The following FGF14 variants were observed in gnomAD, a reference collection of about 807,000 sequenced individuals.
FGF14 encodes fibroblast growth factor 14, also known as fibroblast growth factor homologous factor 4.
A neutral mutation model predicts 25.5 loss-of-function variants in FGF14; 5 were observed. The observed-to-expected ratio is 0.20, with a 90% CI of 0.10 to 0.41. The LOEUF (loss-of-function observed/expected upper bound fraction) is 0.41. Among genes scored for constraint, FGF14 ranks in the 10% least tolerant of loss-of-function variants. The probability of loss-of-function intolerance (pLI) is 1.00; values close to 1 mark genes in which losing one functional copy is unlikely to be tolerated. For missense variants in FGF14, 222 were observed against 320.1 expected, an observed-to-expected ratio of 0.69 and a Z score of 2.34; for synonymous variants, 138 against 118.3, an observed-to-expected ratio of 1.17 and a Z score of -1.08.
In FGF14 at chr13:101,719,393, T is replaced by G. The variant is rs1476354808; in HGVS notation, c.*3438A>C. On this transcript the variant is annotated 3_prime_UTR_variant, in exon 5 of 5. Coordinates refer to ENST00000376143, the MANE Select transcript of FGF14 (RefSeq NM_004115.4). ...CCCATCGTGGATCTCTTTAAGCCAC[T>G]GCTACCCAAAAACATTCAGGACAAG... The G allele has an allele frequency of 6.6e-6, 1 of 151,998 alleles. No individual in the cohort carries two copies. The highest frequency in any genetic ancestry group is 1.5e-5 in the Non-Finnish European group (1 of 67,996). 9.4% of individuals were successfully genotyped at this position (151,998 alleles called of 1,614,324 possible). A position where few individuals can be genotyped will look rare whatever the true frequency, so the allele number is the denominator to read the frequency against.
chr13:102,256,785 G>T (rs1313345829), intron 1 of FGF14, among the ~76,000 whole-genome samples: 1 of 152,176 alleles, frequency 6.6e-6, no homozygotes, highest in Non-Finnish European at 1.5e-5. Context: ...AAGAGTCGAT[G>T]CTGATAATAC....
At chr13:102,180,807 T>C (rs1236540528) in intron 1 of FGF14, among the ~76,000 whole-genome samples, 1 of 152,162 alleles carries the variant, frequency 6.6e-6, no homozygotes, top group Non-Finnish European at 1.5e-5. Flanking sequence ...TAGCATTTCT[T>C]TGAAATAAAT....
intron 3 of FGF14, among the ~76,000 whole-genome samples, chr13:101,835,358 A>G (rs940209514): frequency 3.3e-5 from 5 of 151,968 alleles, no homozygotes; most frequent in African/African-American, 1.2e-4. Context: ...CATTTTTTCA[A>G]TTGCTAATTT....
intron 1 of FGF14, among the ~76,000 whole-genome samples, chr13:102,201,449 G>A (rs937220853): frequency 6.6e-6 from 1 of 152,118 alleles, no homozygotes; most frequent in Non-Finnish European, 1.5e-5. Flanking sequence ...CCTCCAAAAT[G>A]ATTATAAATT....
chr13:101,785,463 A>C (rs1333747224), intron 3 of FGF14, among the ~76,000 whole-genome samples: 1 of 151,808 alleles, frequency 6.6e-6, no homozygotes, highest in Non-Finnish European at 1.5e-5. Context: ...TATAAAGTAA[A>C]ACAATATTAT....
At chr13:101,884,344 A>G (rs1269491167) in intron 1 of FGF14, among the ~76,000 whole-genome samples, 1 of 152,108 alleles carries the variant, frequency 6.6e-6, no homozygotes, top group African/African-American at 2.4e-5. Flanking sequence ...AAAATGTTTA[A>G]TCTGAAGATG....
At position 101,825,413 on chromosome 13, in the gene FGF14, C is replaced by G. The variant is rs571176435; in HGVS notation, c.408+43312G>C. Among the ~76,000 whole-genome samples the G allele has an allele frequency of 5.9e-5, 9 of 152,248 alleles. No individual in the cohort carries two copies. The South Asian group carries it at 1.7e-3, about 28-fold the overall frequency. ...ATTACTCATGGATTTCAACACAATC[C>G]TGAGTCTGTAACTTTTACTAAAGTG... On this transcript the variant is annotated intron_variant, in intron 3 of 4. Transcript: ENST00000376143.
intron 3 of FGF14, among the ~76,000 whole-genome samples, chr13:101,740,235 T>G (rs2139775746): frequency 6.6e-6 from 1 of 152,312 alleles, no homozygotes; most frequent in African/African-American, 2.4e-5. Context: ...CTGAGAGGTT[T>G]TGTCTGCGGC....
intron 3 of FGF14, among the ~76,000 whole-genome samples, chr13:101,819,468 C>T (rs979818440): frequency 4.6e-5 from 7 of 152,066 alleles, no homozygotes; most frequent in Admixed American, 4.6e-4. Context: ...GAAATGGGCA[C>T]TTTAGTAAGG....
At position 102,119,813 on chromosome 13, in the gene FGF14, T is replaced by C. The variant is rs541077730; in HGVS notation, c.209-244517A>G. Among the ~76,000 whole-genome samples the C allele has an allele frequency of 2.6e-3, 397 of 152,346 alleles. 1 individual carries two copies. The highest frequency in any genetic ancestry group is 8.5e-3 in the South Asian group (41 of 4,830). ...GATGTTTATTGTTCCAGTTTTTAAA[T>C]GTTTCCGTATGTTTGAACACTTTTA... On this transcript the variant is annotated intron_variant, in intron 1 of 4. Transcript: ENST00000376131.
chr13:101,922,812 TAAA>T (rs1264621876), intron 1 of FGF14, among the ~76,000 whole-genome samples: 1 of 143,276 alleles, frequency 7.0e-6, no homozygotes. Flanking sequence ...TACAGTTTAC[TAAA>T]AAAAAAAAGT....
At chr13:102,040,472 A>G (rs1044080398) in intron 1 of FGF14, among the ~76,000 whole-genome samples, 3 of 152,192 alleles carry the variant, frequency 2.0e-5, no homozygotes, top group Admixed American at 1.3e-4. Flanking sequence ...AAACAGTAAC[A>G]AAGAGTCTTA....
chr13:101,994,414 T>C (rs559403104), intron 1 of FGF14, among the ~76,000 whole-genome samples: 1 of 152,036 alleles, frequency 6.6e-6, no homozygotes, highest in Non-Finnish European at 1.5e-5. Context: ...TTTTGAAAAA[T>C]CTCAAGGCTT....
intron 3 of FGF14, among the ~76,000 whole-genome samples, chr13:101,728,118 G>A (rs1418924432): frequency 1.3e-5 from 2 of 152,094 alleles, no homozygotes; most frequent in Non-Finnish European, 2.9e-5. Context: ...CCCCATAAAA[G>A]TGTGAATTAT....
At chr13:102,135,060 C>G (rs187365260) in intron 1 of FGF14, among the ~76,000 whole-genome samples, 1 of 139,156 alleles carries the variant, frequency 7.2e-6, no homozygotes, top group African/African-American at 2.6e-5. Context: ...CACACACACA[C>G]AAATCCGCGT....
intron 3 of FGF14, among the ~76,000 whole-genome samples, chr13:101,830,075 T>C (rs548070374): frequency 1.3e-5 from 2 of 152,074 alleles, no homozygotes; most frequent in African/African-American, 2.4e-5. Context: ...GTATTAGTTA[T>C]CTTGCATGTA....
At chr13:102,275,897 A>G (rs1168854749) in intron 1 of FGF14, among the ~76,000 whole-genome samples, 3 of 152,166 alleles carry the variant, frequency 2.0e-5, no homozygotes, top group African/African-American at 7.2e-5. Flanking sequence ...TCTCAGCAAC[A>G]TAATAATAAA....
At chr13:102,067,039 T>C (rs1031775831) in intron 1 of FGF14, among the ~76,000 whole-genome samples, 1 of 152,162 alleles carries the variant, frequency 6.6e-6, no homozygotes, top group Admixed American at 6.5e-5. Context: ...CCAAATCTCT[T>C]GTCTCCACCT....
chr13:102,180,391 C>A (rs945730264), intron 1 of FGF14, among the ~76,000 whole-genome samples: 1 of 152,130 alleles, frequency 6.6e-6, no homozygotes, highest in African/African-American at 2.4e-5. Flanking sequence ...CAGCTCACTG[C>A]AACCTTTGCC....
Sources: allele counts gnomAD v4.1 joint callset (sites outside exome capture counted in the v4.1 genomes callset), GRCh38; gene constraint gnomAD v4.1.1; transcripts MANE v1.5; gene names NCBI Gene and HGNC (gene_info 2026-07-23, HGNC 2026-07-21).